The following RPS6KA2 variants were observed in gnomAD, a reference collection of about 807,000 sequenced individuals.
The protein encoded by RPS6KA2 is ribosomal protein S6 kinase alpha-2.
In RPS6KA2, 42 loss-of-function variants were observed where a neutral mutation model predicts 91.8. That is an observed-to-expected ratio of 0.46 (90% CI 0.36 to 0.59). The LOEUF (loss-of-function observed/expected upper bound fraction) is 0.59. Ranked by LOEUF, RPS6KA2 falls within the 20% of genes least tolerant of loss-of-function variation. The pLI is 0.00. For missense variants in RPS6KA2, 798 were observed against 978.5 expected, an observed-to-expected ratio of 0.82 and a Z score of 2.46; for synonymous variants, 414 against 393.6, an observed-to-expected ratio of 1.05 and a Z score of -0.61.
chr6:166,604,735 AAAT>A (rs1785881979), intron 1 of RPS6KA2, among the ~76,000 whole-genome samples: 1 of 152,186 alleles, frequency 6.6e-6, no homozygotes, highest in Admixed American at 6.5e-5. Flanking sequence ...TTCCACAGCA[AAAT>A]AATGATCCAC....
At chr6:166,655,889 C>A (rs1035676171) in intron 2 of RPS6KA2, among the ~76,000 whole-genome samples, 1 of 152,208 alleles carries the variant, frequency 6.6e-6, no homozygotes, top group Non-Finnish European at 1.5e-5. Context: ...CCAGCAGGTG[C>A]ACTCGGAGAC....
At chr6:166,856,734 C>T (rs1780912726) in intron 2 of RPS6KA2, among the ~76,000 whole-genome samples, 1 of 152,186 alleles carries the variant, frequency 6.6e-6, no homozygotes, top group Non-Finnish European at 1.5e-5. Context: ...TTCTCTGAGA[C>T]CTTTGGCCTT....
intron 2 of RPS6KA2, among the ~76,000 whole-genome samples, chr6:166,697,097 A>T (rs1436672431): frequency 6.6e-6 from 1 of 151,528 alleles, no homozygotes; most frequent in Non-Finnish European, 1.5e-5. Flanking sequence ...ATGTGTGTAT[A>T]TGTGTGTGTG....
rs16899148 is a variant in RPS6KA2 at position 166,554,763 on chromosome 6, G to A, written c.100-15979C>T. 0.12 allele frequency among the ~76,000 whole-genome samples: 17,640 copies of A among 152,112 alleles called. 3,384 individuals carry two copies. Among genetic ancestry groups the A allele is most frequent in the African/African-American group, 0.4 (16,614 of 41,396 alleles). On this transcript the variant is annotated intron_variant, in intron 1 of 20. Transcript: ENST00000265678. This position sits in a 1 kb window ranked among gnomAD's most constrained non-coding sequence, Gnocchi z 4.3. ...AGTCTGACCTTCCATCCCTAGGAAA[G>A]GCCTACTTATGATGAGAATTCTGAT...
At chr6:166,816,143 A>G (rs1779753043) in intron 2 of RPS6KA2, among the ~76,000 whole-genome samples, 1 of 152,166 alleles carries the variant, frequency 6.6e-6, no homozygotes, top group African/African-American at 2.4e-5. Context: ...TATAAGCAAA[A>G]TCCTGCTTCG....
intron 1 of RPS6KA2, among the ~76,000 whole-genome samples, chr6:166,553,368 C>G (rs1030869274): frequency 1.3e-5 from 2 of 152,060 alleles, no homozygotes; most frequent in Non-Finnish European, 2.9e-5. Flanking sequence ...AAGCAGTCTG[C>G]CCACCACGGA....
chr6:166,714,134 G>A (rs1789945964), intron 2 of RPS6KA2, among the ~76,000 whole-genome samples: 1 of 152,220 alleles, frequency 6.6e-6, no homozygotes, highest in African/African-American at 2.4e-5. Flanking sequence ...CCTAATCCCA[G>A]CCCACAGGGT....
chr6:166,510,633 T>C (rs1466735960), intron 3 of RPS6KA2, among the ~76,000 whole-genome samples: 3 of 115,692 alleles, frequency 2.6e-5, no homozygotes, highest in African/African-American at 9.6e-5. Flanking sequence ...CTCCAAAAAA[T>C]TGTAGGCAGC....
Position 166,625,323 on chromosome 6 carries a change from ACC to A in RPS6KA2, c.99+1596_99+1597del, listed in dbSNP as rs1338733933. ...AGAAACCTCGTTTCCTATTCCCACCACCCCCCCACCCCCCCCCCCGCTTGTTT... is the reference window on the plus strand; with the variant it reads ...AGAAACCTCGTTTCCTATTCCCACCACCCCCACCCCCCCCCCCGCTTGTTT... On this transcript the variant is annotated intron_variant, in intron 1 of 20. Transcript: ENST00000265678. Among the ~76,000 whole-genome samples the A allele has an allele frequency of 7.6e-3, 232 of 30,406 alleles. 11 individuals are homozygous for A. Among genetic ancestry groups the A allele is most frequent in the African/African-American group, 0.03 (205 of 6,868 alleles). The allele number at this position is 30,406 out of a possible 152,430, so 19.9% of individuals were successfully genotyped here.
chr6:166,484,110 A>G (rs1298921448), intron 10 of RPS6KA2, among the ~76,000 whole-genome samples: 1 of 152,248 alleles, frequency 6.6e-6, no homozygotes, highest in Non-Finnish European at 1.5e-5. Flanking sequence ...ACCACTTGAC[A>G]GGGAAAATGG....
intron 2 of RPS6KA2, chr6:166,701,937 T>G: frequency 8.8e-7 from 1 of 1,141,902 alleles, no homozygotes; most frequent in Non-Finnish European, 1.3e-6. Context: ...TTTTTAAGAT[T>G]TCTTCCTTCT....
At chr6:166,480,167 C>T (rs144113241) in intron 10 of RPS6KA2, among the ~76,000 whole-genome samples, 2 of 151,992 alleles carry the variant, frequency 1.3e-5, no homozygotes, top group Non-Finnish European at 2.9e-5. Flanking sequence ...AAAACACACC[C>T]CTTCACCCGG....
chr6:166,438,008 ACAGGC>A (rs1209359473), intron 14 of RPS6KA2, among the ~76,000 whole-genome samples: 2 of 152,226 alleles, frequency 1.3e-5, no homozygotes, highest in Non-Finnish European at 2.9e-5. Flanking sequence ...GCATGAGCTC[ACAGGC>A]TTGCAGAACA....
rs140530043 is a variant in RPS6KA2 at position 166,815,015 on chromosome 6, G to A, written c.123+43185C>T. On this transcript the variant is annotated intron_variant, in intron 2 of 21. Transcript: ENST00000503859. Reference sequence around the variant, plus strand: ...CTGTCATCCACAAAATTTGTCCCTGGTGCCAAAAAGGTTGGGGACCACTGC... The same window carrying A: ...CTGTCATCCACAAAATTTGTCCCTGATGCCAAAAAGGTTGGGGACCACTGC... Among the ~76,000 whole-genome samples the A allele has an allele frequency of 2.3e-3, 344 of 152,212 alleles. 1 individual carries two copies. The highest frequency in any genetic ancestry group is 7.7e-3 in the African/African-American group (321 of 41,540).
intron 2 of RPS6KA2, among the ~76,000 whole-genome samples, chr6:166,721,834 G>A (rs1428001774): frequency 4.1e-4 from 1 of 2,466 alleles, no homozygotes; most frequent in African/African-American, 3.5e-3. Context: ...AGGAGGAGCC[G>A]GTGCCAGCTC....
intron 1 of RPS6KA2, among the ~76,000 whole-genome samples, chr6:166,551,048 T>C (rs980416602): frequency 3.3e-5 from 5 of 150,172 alleles, no homozygotes; most frequent in African/African-American, 1.2e-4. Context: ...GTAACACTAA[T>C]TAGATAACTG....
intron 2 of RPS6KA2, among the ~76,000 whole-genome samples, chr6:166,853,615 A>G (rs1291612017): frequency 2.0e-5 from 3 of 152,222 alleles, no homozygotes; most frequent in Non-Finnish European, 2.9e-5. Flanking sequence ...ATCCCACCAA[A>G]GATCCATGCT....
At chr6:166,532,273 T>C (rs1200307409) in intron 2 of RPS6KA2, among the ~76,000 whole-genome samples, 2 of 152,170 alleles carry the variant, frequency 1.3e-5, no homozygotes, top group African/African-American at 2.4e-5. Context: ...TCACCTGCCA[T>C]GGGCAGAGGG....
chr6:166,774,160 A>AG (rs1349215410), intron 2 of RPS6KA2, among the ~76,000 whole-genome samples: 1 of 152,182 alleles, frequency 6.6e-6, no homozygotes, highest in Non-Finnish European at 1.5e-5. Context: ...TTTGATCCTC[A>AG]GGGGTCTTTT....
Sources: gnomAD v4.1 joint callset for allele counts (sites outside exome capture counted in the v4.1 genomes callset) on GRCh38, gnomAD v4.1.1 for gene constraint, Gnocchi (gnomAD v3.1) non-coding constraint, MANE v1.5 for transcripts, NCBI Gene and HGNC (gene_info 2026-07-23, HGNC 2026-07-21) for gene names.